PHACTR1: variants seen among roughly 807,000 people sequenced by gnomAD.
PHACTR1 encodes phosphatase and actin regulator 1.
In PHACTR1, 16 loss-of-function variants were observed where a neutral mutation model predicts 69.2. The ratio of observed to expected loss-of-function variants is 0.23; its 90% CI spans 0.16 to 0.35. The LOEUF (loss-of-function observed/expected upper bound fraction) is 0.35. PHACTR1 is among the 10% of genes least tolerant of loss of function. The pLI is 1.00. For synonymous variants in PHACTR1, 312 were observed against 284.5 expected (o/e 1.10, Z -0.97); for missense variants, 510 against 734.7 (o/e 0.69, Z 3.54).
chr6:13,281,746 A>G (rs1780299082), intron 12 of PHACTR1, among the ~76,000 whole-genome samples: 1 of 152,246 alleles, frequency 6.6e-6, no homozygotes, highest in Non-Finnish European at 1.5e-5. Context: ...ATTGTGGAGA[A>G]CATGTTTTGG....
chr6:13,246,542 T>C lies in PHACTR1; in HGVS notation c.1391+16349T>C, dbSNP rs374272886. On this transcript the variant is annotated intron_variant, in intron 10 of 14. Transcript: ENST00000332995. This position sits in a 1 kb window ranked among gnomAD's most constrained non-coding sequence, Gnocchi z 4.2. ...GGCCTATTCTTGTGATTCTTTCAAA[T>C]GATAAGTGAAACTCTAATCATGTAT... 6.6e-6 allele frequency among the ~76,000 whole-genome samples: 1 copy of C among 152,146 alleles called. No homozygotes were observed. Among genetic ancestry groups the C allele is most frequent in the Non-Finnish European group, 1.5e-5 (1 of 68,014 alleles).
intron 4 of PHACTR1, among the ~76,000 whole-genome samples, chr6:12,751,474 A>T (rs1448463004): frequency 6.6e-6 from 1 of 152,246 alleles, no homozygotes; most frequent in African/African-American, 2.4e-5. Flanking sequence ...AAATTAGTCT[A>T]TTGACCCCTT....
intron 5 of PHACTR1, among the ~76,000 whole-genome samples, chr6:13,155,198 T>TCG (rs1461347707): frequency 6.6e-6 from 1 of 152,218 alleles, no homozygotes; most frequent in Non-Finnish European, 1.5e-5. Flanking sequence ...AGCATGTACT[T>TCG]ACCGTAAGTG....
intron 4 of PHACTR1, among the ~76,000 whole-genome samples, chr6:12,760,370 A>C (rs893994415): frequency 6.6e-6 from 1 of 152,376 alleles, no homozygotes; most frequent in Non-Finnish European, 1.5e-5. Context: ...GAAAATTTAC[A>C]TTAAGAATAG....
chr6:12,993,129 C>T (rs904648773), intron 4 of PHACTR1, among the ~76,000 whole-genome samples: 1 of 152,158 alleles, frequency 6.6e-6, no homozygotes, highest in East Asian at 1.9e-4. Context: ...ATGCTTGCAG[C>T]TTGATTTTTC....
chr6:13,123,888 C>G (rs1819117637), intron 5 of PHACTR1, among the ~76,000 whole-genome samples: 1 of 152,180 alleles, frequency 6.6e-6, no homozygotes, highest in African/African-American at 2.4e-5. Context: ...GGGACACAGG[C>G]AGTCCTGAGG....
chr6:12,788,547 GA>G (rs1239849413), intron 4 of PHACTR1, among the ~76,000 whole-genome samples: 1 of 152,128 alleles, frequency 6.6e-6, no homozygotes, highest in African/African-American at 2.4e-5. Flanking sequence ...TTTTTAGATG[GA>G]AAAAGATTCC....
At chr6:12,952,648 T>C (rs1223499583) in intron 4 of PHACTR1, among the ~76,000 whole-genome samples, 1 of 152,242 alleles carries the variant, frequency 6.6e-6, no homozygotes, top group Non-Finnish European at 1.5e-5. Flanking sequence ...GCTTCCAACT[T>C]TTGGCAATTA....
chr6:13,016,223 T>A (rs79653491), intron 4 of PHACTR1, among the ~76,000 whole-genome samples: 3,599 of 152,316 alleles, frequency 0.024, 155 homozygotes, highest in African/African-American at 0.081. Flanking sequence ...ATGCTCAAGA[T>A]CATAATGAGC....
chr6:13,255,699 G>A (rs997724040), intron 10 of PHACTR1, among the ~76,000 whole-genome samples: 19 of 152,356 alleles, frequency 1.2e-4, no homozygotes, highest in Middle Eastern at 3.4e-3. Flanking sequence ...AAATCTTAAT[G>A]CTCCTAAATC....
At chr6:13,154,715 A>C (rs181973270) in intron 5 of PHACTR1, among the ~76,000 whole-genome samples, 6 of 150,572 alleles carry the variant, frequency 4.0e-5, no homozygotes, top group African/African-American at 1.2e-4. Context: ...CTCGGTTCTC[A>C]TTTAGCTGAT....
chr6:12,843,840 G>A (rs1395417158), intron 4 of PHACTR1, among the ~76,000 whole-genome samples: 7 of 152,150 alleles, frequency 4.6e-5, no homozygotes, highest in Non-Finnish European at 1.5e-5. Flanking sequence ...AACAGGTCAA[G>A]TCTGTATTAA....
chr6:13,150,123 G>C (rs1289277879), intron 5 of PHACTR1, among the ~76,000 whole-genome samples: 1 of 152,204 alleles, frequency 6.6e-6, no homozygotes, highest in African/African-American at 2.4e-5. Context: ...GAGGCAGGCA[G>C]ATCATTTGAG....
intron 5 of PHACTR1, among the ~76,000 whole-genome samples, chr6:13,151,802 A>G (rs564340417): frequency 5.5e-4 from 83 of 152,206 alleles, no homozygotes; most frequent in Admixed American, 5.0e-3. Flanking sequence ...AAAAAGATGG[A>G]GGCAGTAGTG....
At chr6:12,987,793 G>C (rs1384758381) in intron 4 of PHACTR1, among the ~76,000 whole-genome samples, 1 of 152,198 alleles carries the variant, frequency 6.6e-6, no homozygotes, top group Non-Finnish European at 1.5e-5. Context: ...AGATTTGCTA[G>C]AATAAGATGG....
intron 4 of PHACTR1, among the ~76,000 whole-genome samples, chr6:12,777,276 T>C (rs1770193523): frequency 6.6e-6 from 1 of 151,288 alleles, no homozygotes; most frequent in Admixed American, 6.6e-5. Context: ...CAGGGGTACG[T>C]GTGCAGGTTT....
At chr6:12,740,713 T>C (rs541596859) in intron 3 of PHACTR1, among the ~76,000 whole-genome samples, 1 of 152,208 alleles carries the variant, frequency 6.6e-6, no homozygotes, top group Admixed American at 6.5e-5. Flanking sequence ...CCTAAAGGTG[T>C]CTTTCTCATT....
At chr6:12,729,850 A>AT (rs139365904) in intron 3 of PHACTR1, among the ~76,000 whole-genome samples, 1 of 152,070 alleles carries the variant, frequency 6.6e-6, no homozygotes, top group Non-Finnish European at 1.5e-5. Flanking sequence ...TATTAAGAAG[A>AT]TTTTTTTCCT....
chr6:12,985,554 A>G (rs898352790), intron 4 of PHACTR1, among the ~76,000 whole-genome samples: 1 of 147,748 alleles, frequency 6.8e-6, no homozygotes, highest in Admixed American at 6.8e-5. Context: ...ATATATATAT[A>G]TATATATACA....
Sources: gnomAD v4.1 joint callset for allele counts (sites outside exome capture counted in the v4.1 genomes callset) on GRCh38, gnomAD v4.1.1 for gene constraint, Gnocchi (gnomAD v3.1) non-coding constraint, MANE v1.5 for transcripts, NCBI Gene and HGNC (gene_info 2026-07-23, HGNC 2026-07-21) for gene names.